NAMPT: variants seen among roughly 807,000 people sequenced by gnomAD.
NAMPT encodes nicotinamide phosphoribosyltransferase.
NAMPT carries 7 observed loss-of-function variants against 58.7 expected under a neutral mutation model. The observed-to-expected ratio is 0.12, with a 90% CI of 0.07 to 0.22. The LOEUF (loss-of-function observed/expected upper bound fraction) is 0.22, where lower values mean the gene tolerates loss of function less well. NAMPT is among the 10% of genes least tolerant of loss of function. The pLI, the probability that NAMPT is intolerant of heterozygous loss-of-function variation, is 1.00. For missense variants in NAMPT, 271 were observed against 567.9 expected, an observed-to-expected ratio of 0.48 and a Z score of 5.31; for synonymous variants, 145 against 198.1, an observed-to-expected ratio of 0.73 and a Z score of 2.25.
At chr7:106,268,814 A>G (rs538626799) in intron 5 of NAMPT, among the ~76,000 whole-genome samples, 99 of 152,326 alleles carry the variant, frequency 6.5e-4, no homozygotes, top group African/African-American at 2.2e-3. Context: ...ATCTCCTCAA[A>G]GAGACCTATT....
chr7:106,255,551 T>TC (rs150625503), intron 8 of NAMPT, among the ~76,000 whole-genome samples: 9,653 of 152,244 alleles, frequency 0.063, 493 homozygotes, highest in African/African-American at 0.14. Flanking sequence ...ACCCAACAAA[T>TC]CCCAAGCAAC....
intron 8 of NAMPT, among the ~76,000 whole-genome samples, chr7:106,257,786 C>T (rs1241731757): frequency 3.9e-5 from 6 of 152,210 alleles, no homozygotes; most frequent in Admixed American, 1.3e-4. Context: ...AACAATCCAA[C>T]AGCTGACTGC....
chr7:106,261,800 G>A (rs930593281), intron 7 of NAMPT, 93 bp from the exon 8 acceptor site: 29 of 1,352,482 alleles, frequency 2.1e-5, no homozygotes, highest in Non-Finnish European at 2.2e-5. Flanking sequence ...TTTGATAATC[G>A]AGAATATAAA....
At chr7:106,285,809 G>A (rs1354959767), upstream of NAMPT, 1 of 153,572 alleles carries the variant, frequency 6.5e-6, no homozygotes, top group East Asian at 1.9e-4. Flanking sequence ...CACAGATAAT[G>A]AGGGGACAAG....
Position 106,254,272 on chromosome 7 carries a change from A to C in NAMPT, c.1230+92T>G, listed in dbSNP as rs545668888. The C allele has an allele frequency of 1.1e-5, 16 of 1,411,394 alleles. No homozygotes were observed. The African/African-American group carries it at 1.4e-4, about 13-fold the overall frequency. The allele number at this position is 1,411,394 out of a possible 1,614,324, so 87.4% of individuals were successfully genotyped here. On this transcript the variant is annotated intron_variant, in intron 9 of 10. Transcript: ENST00000222553. ...AACAACATATTAACAGTCCACGGCC[A>C]CATCAATCTTTGACAAATGCACTCA...
At chr7:106,266,041 T>C (rs1792402015) in intron 6 of NAMPT, among the ~76,000 whole-genome samples, 1 of 152,142 alleles carries the variant, frequency 6.6e-6, no homozygotes. Flanking sequence ...CTCCTTTTGT[T>C]TGGTTGGATG....
Position 106,251,019 on chromosome 7 carries a change from C to T in NAMPT, c.*64G>A. Reference sequence around the variant, plus strand: ...CTGTAATGTATCATAAAACACAAACCCCACACATCTGTACAATAAACATTA... The same window carrying T: ...CTGTAATGTATCATAAAACACAAACTCCACACATCTGTACAATAAACATTA... On this transcript the variant is annotated 3_prime_UTR_variant, in exon 11 of 11. Transcript: ENST00000222553. 8.1e-7 allele frequency: 1 copy of T among 1,235,216 alleles called. No homozygotes were observed. Among genetic ancestry groups the T allele is most frequent in the East Asian group, 2.4e-5 (1 of 42,024 alleles). The allele number at this position is 1,235,216 out of a possible 1,614,324, so 76.5% of individuals were successfully genotyped here.
At chr7:106,255,482 T>C (rs191243303) in intron 8 of NAMPT, among the ~76,000 whole-genome samples, 27 of 152,346 alleles carry the variant, frequency 1.8e-4, no homozygotes, top group East Asian at 7.7e-4. Flanking sequence ...TAGTCTCAAA[T>C]TGACTTTTTT....
intron 1 of NAMPT, 163 bp downstream of exon 1, chr7:106,284,665 T>A: frequency 1.2e-6 from 1 of 819,156 alleles, no homozygotes; most frequent in Non-Finnish European, 1.5e-6. Flanking sequence ...CCTCCTCACC[T>A]GCCCCAGCCG....
rs1001794936 is a variant in NAMPT at position 106,264,823 on chromosome 7, A to C, written c.744-1206T>G. On this transcript the variant is annotated intron_variant, in intron 6 of 10. Transcript: ENST00000222553. The stretch of plus-strand genomic sequence containing the variant: ...CCAAGTAGGTATAAGTTTAACTCAT[A>C]ACTGTTTGAAGAGTCAGACTTTATG... Among the ~76,000 whole-genome samples the C allele has an allele frequency of 1.1e-4, 16 of 152,118 alleles. No individual in the cohort carries two copies. In the South Asian group the frequency reaches 3.3e-3, roughly 32 times the overall value.
At chr7:106,255,347 G>A (rs1358312755) in intron 8 of NAMPT, among the ~76,000 whole-genome samples, 1 of 151,800 alleles carries the variant, frequency 6.6e-6, no homozygotes, top group African/African-American at 2.4e-5. Context: ...TTTATTTCAT[G>A]AGAATAGTCA....
chr7:106,266,962 C>T (rs565528075), intron 6 of NAMPT, among the ~76,000 whole-genome samples: 8 of 152,296 alleles, frequency 5.3e-5, no homozygotes, highest in Middle Eastern at 3.4e-3. Context: ...GTCTCCCCTA[C>T]GCTCCCTACA....
At chr7:106,275,076 C>G in intron 2 of NAMPT, 27 bp from the exon 3 acceptor site, 1 of 1,430,118 alleles carries the variant, frequency 7.0e-7, no homozygotes, top group Non-Finnish European at 9.8e-7. Context: ...GTCCTGTTTA[C>G]ATTTCTAAAG....
chr7:106,252,243 C>T (rs1792116752), intron 10 of NAMPT, among the ~76,000 whole-genome samples: 1 of 152,024 alleles, frequency 6.6e-6, no homozygotes, highest in East Asian at 1.9e-4. Context: ...TTAGTAGGTA[C>T]AAGAGTTACA....
chr7:106,267,866 A>C (rs866983466), intron 6 of NAMPT, among the ~76,000 whole-genome samples: 71 of 133,616 alleles, frequency 5.3e-4, no homozygotes, highest in South Asian at 2.4e-3. Context: ...AAAAAAAAAA[A>C]AAAAAAAAAA....
Position 106,250,417 on chromosome 7 carries a change from T to C in NAMPT, c.*666A>G, listed in dbSNP as rs1291674209. 2 of 152,672 alleles carry C rather than the reference T, an allele frequency of 1.3e-5. No individual in the cohort carries two copies. The highest frequency in any genetic ancestry group is 6.6e-5 in the Admixed American group (1 of 15,240). 9.5% of individuals were successfully genotyped at this position (152,672 alleles called of 1,614,324 possible). The stretch of plus-strand genomic sequence containing the variant: ...AGATATATAATAACTGTACAGTGCC[T>C]AGACATTCCAGTAAGAACCATTATT... On this transcript the variant is annotated 3_prime_UTR_variant, in exon 11 of 11. Transcript: ENST00000222553.
chr7:106,272,505 A>C, intron 4 of NAMPT, 25 bp downstream of exon 4: 2 of 1,584,034 alleles, frequency 1.3e-6, no homozygotes, highest in African/African-American at 1.4e-5. Flanking sequence ...ATTAATGTTA[A>C]ATAAGAATTA....
chr7:106,274,768 T>C (rs1051781335), intron 3 of NAMPT, among the ~76,000 whole-genome samples, 178 bp downstream of exon 3: 2 of 152,172 alleles, frequency 1.3e-5, no homozygotes, highest in Non-Finnish European at 2.9e-5. Flanking sequence ...GGCAGGAGAA[T>C]AGCTTGAACC....
At chr7:106,263,694 C>CATG (rs1343504007) in intron 6 of NAMPT, 77 bp from the exon 7 acceptor site, 2 of 1,096,432 alleles carry the variant, frequency 1.8e-6, no homozygotes, top group East Asian at 4.7e-5. Flanking sequence ...AATCATATCT[C>CATG]ATGTTTACTA....
Sources: allele counts gnomAD v4.1 joint callset (sites outside exome capture counted in the v4.1 genomes callset), GRCh38; gene constraint gnomAD v4.1.1; transcripts MANE v1.5; gene names NCBI Gene and HGNC (gene_info 2026-07-23, HGNC 2026-07-21).